The following PTPRF variants were observed in gnomAD, a reference collection of about 807,000 sequenced individuals.
The protein encoded by PTPRF is receptor-type tyrosine-protein phosphatase F.
In PTPRF, 59 loss-of-function variants were observed where a neutral mutation model predicts 201.8. The ratio of observed to expected loss-of-function variants is 0.29; its 90% CI spans 0.24 to 0.36. The LOEUF is 0.36. Among genes scored for constraint, PTPRF ranks in the 10% least tolerant of loss-of-function variants. PTPRF has a pLI of 1.00. For missense variants in PTPRF, 2,132 were observed against 2,690.5 expected (o/e 0.79, Z 4.59); for synonymous variants, 1,088 against 1,089.7 (o/e 1.00, Z 0.03).
intron 6 of PTPRF, among the ~76,000 whole-genome samples, chr1:43,573,252 G>T (rs1055333230): frequency 6.6e-6 from 1 of 152,166 alleles, no homozygotes; most frequent in Non-Finnish European, 1.5e-5. Context: ...AGCCCCTGCT[G>T]GGTCCTGAGA....
At chr1:43,538,415 G>T in intron 2 of PTPRF, 138 bp downstream of exon 2, 1 of 397,020 alleles carries the variant, frequency 2.5e-6, no homozygotes, top group Non-Finnish European at 4.4e-6. Context: ...ATGATCCAGT[G>T]TGCACTGGTG....
intron 5 of PTPRF, among the ~76,000 whole-genome samples, chr1:43,563,413 G>A (rs539491891): frequency 1.2e-4 from 19 of 152,210 alleles, no homozygotes; most frequent in Non-Finnish European, 2.2e-4. Flanking sequence ...AAGAGGCCTC[G>A]TACACATTTG....
intron 13 of PTPRF, 135 bp from the exon 14 acceptor site, chr1:43,601,936 T>C (rs1301033011): frequency 1.5e-5 from 14 of 949,700 alleles, no homozygotes; most frequent in Non-Finnish European, 2.3e-5. Flanking sequence ...TCTGGGGTGC[T>C]ACCCCCATGG....
chr1:43,590,187 C>G (rs1650300597), intron 8 of PTPRF, among the ~76,000 whole-genome samples: 1 of 152,172 alleles, frequency 6.6e-6, no homozygotes, highest in South Asian at 2.1e-4. Flanking sequence ...CCTTCCAGGC[C>G]TCAGCTTGGT....
At chr1:43,547,065 C>T (rs1397594494) in intron 3 of PTPRF, among the ~76,000 whole-genome samples, 5 of 152,140 alleles carry the variant, frequency 3.3e-5, no homozygotes, top group Admixed American at 2.0e-4. Context: ...ATCATCCTGT[C>T]ACTCTTCAGT....
At chr1:43,559,180 G>A (rs1397792245) in intron 5 of PTPRF, among the ~76,000 whole-genome samples, 1 of 152,228 alleles carries the variant, frequency 6.6e-6, no homozygotes, top group Non-Finnish European at 1.5e-5. Flanking sequence ...GTGTGGTGCA[G>A]TGTGTGCAGC....
At chr1:43,571,502 G>T (rs1646564598) in intron 6 of PTPRF, among the ~76,000 whole-genome samples, 1 of 152,226 alleles carries the variant, frequency 6.6e-6, no homozygotes, top group Non-Finnish European at 1.5e-5. Context: ...GATGAGTGAT[G>T]ACCTTCTTTT....
At chr1:43,529,547 T>G (rs1250371567), upstream of PTPRF, among the ~76,000 whole-genome samples, 1 of 152,064 alleles carries the variant, frequency 6.6e-6, no homozygotes, top group African/African-American at 2.4e-5. Context: ...AGGAGAAACC[T>G]CATCTCTTTT....
chr1:43,570,362 G>A (rs1265638096), intron 6 of PTPRF, among the ~76,000 whole-genome samples: 2 of 152,240 alleles, frequency 1.3e-5, no homozygotes, highest in Non-Finnish European at 2.9e-5. Context: ...CGATCTGCCT[G>A]TGAGGCTCCT....
At chr1:43,620,775 A>G in intron 31 of PTPRF, 63 bp from the exon 32 acceptor site, 1 of 1,571,154 alleles carries the variant, frequency 6.4e-7, no homozygotes, top group Non-Finnish European at 8.7e-7. Flanking sequence ...ACCCTGGTCT[A>G]GTCCAGAGGG....
At chr1:43,604,707 T>A (rs935801411) in intron 16 of PTPRF, among the ~76,000 whole-genome samples, 196 bp from the exon 17 acceptor site, 3 of 152,226 alleles carry the variant, frequency 2.0e-5, no homozygotes, top group Admixed American at 2.0e-4. Flanking sequence ...GTGCTCACTG[T>A]GGAAGAGCTT....
At chr1:43,604,294 G>A (rs956316426) in intron 16 of PTPRF, 105 bp downstream of exon 16, 2 of 1,196,902 alleles carry the variant, frequency 1.7e-6, no homozygotes, top group African/African-American at 3.0e-5. Flanking sequence ...ACCAGCCTCT[G>A]GTGTGTGACC....
In PTPRF at chr1:43,565,582, C is replaced by T. The variant is rs148799408; in HGVS notation, c.380-4008C>T. On this transcript the variant is annotated intron_variant, in intron 5 of 33. Transcript: ENST00000359947. ...GTCCCCATGGGCTTCTCCTTCCGTCCAGGGCACCCTCTTATCAGGCCATGG... is the reference window on the plus strand; with the variant it reads ...GTCCCCATGGGCTTCTCCTTCCGTCTAGGGCACCCTCTTATCAGGCCATGG... Among the ~76,000 whole-genome samples the T allele has an allele frequency of 1.9e-3, 293 of 152,362 alleles. 1 individual carries two copies. The highest frequency in any genetic ancestry group is 6.9e-3 in the African/African-American group (285 of 41,582).
At chr1:43,592,383 A>C in intron 10 of PTPRF, 74 bp from the exon 11 acceptor site, 1 of 1,531,820 alleles carries the variant, frequency 6.5e-7, no homozygotes, top group South Asian at 1.3e-5. Context: ...GTCACATTGC[A>C]GCCCATGTTG....
rs781081287 is a variant in PTPRF, at chr1:43,588,959, C to T, written c.908C>T (p.Ser303Leu). 23 of 1,580,976 alleles carry T rather than the reference C, an allele frequency of 1.5e-5. No individual in the cohort carries two copies. The highest frequency in any genetic ancestry group is 4.6e-5 in the South Asian group (4 of 86,192). The change falls in exon 8 of 34, where the codon TCG (serine) becomes TTG (leucine). Residue 303 changes from serine (S) to leucine (L), a missense_variant. By Grantham distance (145) the Ser-to-Leu change is moderately radical (BLOSUM62 -2). This residue lies in a region of PTPRF where 297 missense variants were observed against 454.0 expected (regional missense o/e 0.65). Transcript: ENST00000359947. The surrounding 1 kb of genome is among the most constrained non-coding windows in gnomAD (Gnocchi z 5.3). ...SANYTCVAIS[S>L]LGMIEATAQV... is the part of the protein sequence containing the mutation. ...AACTACACCTGTGTGGCCATCTCCT[C>T]GCTGGGCATGATCGAGGCCACAGCC... is the stretch of plus-strand genomic sequence containing the variant.
At chr1:43,615,050 C>T (rs1043467418) in intron 23 of PTPRF, among the ~76,000 whole-genome samples, 9 of 152,122 alleles carry the variant, frequency 5.9e-5, no homozygotes, top group African/African-American at 2.2e-4. Context: ...TTGGCTGAGC[C>T]TAACCTGTGA....
chr1:43,568,644 C>G (rs893143866), intron 5 of PTPRF, among the ~76,000 whole-genome samples: 3 of 152,180 alleles, frequency 2.0e-5, no homozygotes, highest in African/African-American at 7.2e-5. Context: ...CTATACTAGT[C>G]CTGAGCCTGT....
chr1:43,594,811 C>T (rs1359344125), intron 11 of PTPRF, among the ~76,000 whole-genome samples: 5 of 152,110 alleles, frequency 3.3e-5, no homozygotes, highest in Non-Finnish European at 5.9e-5. Flanking sequence ...TTCAAGATGC[C>T]GTGTGCCATC....
At chr1:43,619,982 G>A in intron 29 of PTPRF, 113 bp from the exon 30 acceptor site, 1 of 1,565,288 alleles carries the variant, frequency 6.4e-7, no homozygotes, top group Admixed American at 1.8e-5. Flanking sequence ...AGAGCAGTGA[G>A]GACTTCCTGG....
Sources: allele counts gnomAD v4.1 joint callset (sites outside exome capture counted in the v4.1 genomes callset), GRCh38; gene constraint gnomAD v4.1.1; regional missense constraint gnomAD v4.1.1; non-coding constraint Gnocchi (gnomAD v3.1); transcripts MANE v1.5; gene names NCBI Gene and HGNC (gene_info 2026-07-23, HGNC 2026-07-21).